A2M: variants seen among roughly 807,000 people sequenced by gnomAD.
The protein encoded by A2M is alpha-2-macroglobulin, also known as C3 and PZP-like alpha-2-macroglobulin domain-containing protein 5.
A neutral mutation model predicts 183.9 loss-of-function variants in A2M; 128 were observed. That is an observed-to-expected ratio of 0.70 (90% CI 0.60 to 0.81). A2M has a LOEUF of 0.81. Ranked by LOEUF, A2M falls within the 30% of genes least tolerant of loss-of-function variation. A2M has a pLI of 0.00. For missense variants in A2M, 1,495 were observed against 1,787.6 expected (o/e 0.84, Z 2.95); for synonymous variants, 592 against 670.8 (o/e 0.88, Z 1.81).
At chr12:9,094,383 A>G (rs1949311430) in intron 17 of A2M, among the ~76,000 whole-genome samples, 1 of 145,566 alleles carries the variant, frequency 6.9e-6, no homozygotes, top group East Asian at 2.0e-4. Flanking sequence ...ATACCTATAC[A>G]TGCATAAATT....
upstream of A2M, chr12:9,116,003 T>C (rs1312153456): frequency 1.4e-6 from 1 of 693,120 alleles, no homozygotes; most frequent in African/African-American, 1.8e-5. Context: ...TAAACAAAGT[T>C]GAGGTCTCTG....
chr12:9,111,866 T>C (rs1938752318), intron 4 of A2M: 2 of 441,074 alleles, frequency 4.5e-6, no homozygotes, highest in Admixed American at 6.3e-5. Context: ...CTTTGAGGAT[T>C]TTTCTGTGTC....
chr12:9,078,373 T>C (rs1948810002), intron 25 of A2M, among the ~76,000 whole-genome samples: 1 of 152,246 alleles, frequency 6.6e-6, no homozygotes, highest in Admixed American at 6.5e-5. Flanking sequence ...CATGATTTCA[T>C]TTCTTTTTAT....
Position 9,077,785 on chromosome 12 carries a change from G to A in A2M, c.3192C>T (p.Thr1064=). ...AYIFIDEAHI[T]QALIWLSQRQ... is the part of the protein sequence containing the mutation. ...TCTGGGAGAGCCATATGAGGGCTTG[G>A]GTAATGTGTGCTTCATCGATGAAGA... Residue 1064 remains threonine (T), a synonymous_variant, in exon 26 of 36, where the codon ACC becomes ACT. Transcript: ENST00000318602. The A allele has an allele frequency of 6.2e-7, 1 of 1,614,140 alleles. No homozygotes were observed. The highest frequency in any genetic ancestry group is 1.7e-5 in the Admixed American group (1 of 60,022).
Position 9,072,861 on chromosome 12 carries a change from A to G in A2M, c.3767T>C (p.Val1256Ala). 6.2e-7 allele frequency: 1 copy of G among 1,613,694 alleles called. No individual in the cohort carries two copies. The highest frequency in any genetic ancestry group is 8.5e-7 in the Non-Finnish European group (1 of 1,179,784). ...ATATTTGGACAGAGCATGGAGAGCC[A>G]CCACTGTGTCCTGTTAGAGACAGAT... ...GGFSSTQDTV[V>A]ALHALSKYGA... The change falls in exon 30 of 36, where the codon GTG becomes GCG. Residue 1256 changes from valine to alanine, a missense_variant. Transcript: ENST00000318602.
intron 12 of A2M, 60 bp downstream of exon 12, chr12:9,101,387 A>T: frequency 1.4e-6 from 2 of 1,432,694 alleles, no homozygotes; most frequent in Non-Finnish European, 9.7e-7. Flanking sequence ...CTTCATGATT[A>T]CTTGCTCCAC....
Position 9,090,001 on chromosome 12 carries a change from G to C in A2M, c.2619C>G (p.Ser873Arg). 1.3e-6 allele frequency: 2 copies of C among 1,596,544 alleles called. No homozygotes were observed. Among genetic ancestry groups the C allele is most frequent in the Non-Finnish European group, 1.7e-6 (2 of 1,166,328 alleles). Reference protein sequence around the residue: ...KSLGNVNFTVSAEALESQELC... With the variant: ...KSLGNVNFTVRAEALESQELC... The stretch of plus-strand genomic sequence containing the variant: ...GCTCTTGAGACTCTAGTGCCTCTGC[G>C]CTCACAGTGAAATTCACATTTCCTG... The change falls in exon 21 of 36, where the codon AGC becomes AGG. Residue 873 changes from serine to arginine, a missense_variant. Coordinates refer to ENST00000318602, the MANE Select transcript of A2M (RefSeq NM_000014.6).
chr12:9,112,073 T>G (rs1938770848), intron 4 of A2M, 86 bp downstream of exon 4: 2 of 1,267,678 alleles, frequency 1.6e-6, no homozygotes, highest in African/African-American at 2.9e-5. Flanking sequence ...AGATTCTTCC[T>G]CTCCCTGGTC....
chr12:9,072,276 G>C, intron 31 of A2M, 83 bp downstream of exon 31: 1 of 1,482,638 alleles, frequency 6.7e-7, no homozygotes, highest in Non-Finnish European at 9.2e-7. Flanking sequence ...ATCTACTGTT[G>C]CACTGCTTTA....
chr12:9,101,826 G>C (rs11615143), intron 11 of A2M, among the ~76,000 whole-genome samples, 152 bp from the exon 12 acceptor site: 24,026 of 152,106 alleles, frequency 0.16, 2,024 homozygotes, highest in Middle Eastern at 0.21. Flanking sequence ...CCCTGATTTT[G>C]TTTCTCTGCT....
At chr12:9,095,742 C>CTTTTTTTTTTTTTTTTTTTT (rs34176052) in intron 15 of A2M, 42 bp from the exon 16 acceptor site, 2 of 276,800 alleles carry the variant, frequency 7.2e-6, no homozygotes, top group Non-Finnish European at 5.5e-6. Context: ...TTATTTGTGA[C>CTTTTTTTTTTTTTTTTTTTT]TTTTTTTTTT....
intron 27 of A2M, 114 bp downstream of exon 27, chr12:9,077,232 G>T: frequency 9.6e-7 from 1 of 1,037,224 alleles, no homozygotes; most frequent in Non-Finnish European, 1.4e-6. Flanking sequence ...CACTGGCATT[G>T]CATAGAAAGA....
chr12:9,104,856 C>T (rs1193868276), intron 10 of A2M, among the ~76,000 whole-genome samples: 1 of 152,078 alleles, frequency 6.6e-6, no homozygotes, highest in Non-Finnish European at 1.5e-5. Flanking sequence ...TTGGAGTGGA[C>T]CATTAACTTC....
In A2M at chr12:9,098,571, G is replaced by A. The variant is rs776382732; in HGVS notation, c.1851+36C>T. On this transcript the variant is annotated intron_variant, in intron 15 of 35. Transcript: ENST00000318602. ...TTTCCTTGCTCTGAGCCCCTGGCAC[G>A]GCCCTTCTTGATTCCTGAGGCTGCC... is the stretch of plus-strand genomic sequence containing the variant. 39 of 1,566,662 alleles carry A rather than the reference G, an allele frequency of 2.5e-5. 1 individual carries two copies. In the South Asian group the frequency reaches 2.9e-4, roughly 12 times the overall value.
rs1948758769 is a variant in A2M at position 9,076,771 on chromosome 12, C to T, written c.3517G>A (p.Glu1173Lys). Residue 1173 changes from glutamate to lysine, a missense_variant, in exon 28 of 36, where the codon GAA becomes AAA. Coordinates refer to ENST00000318602, the MANE Select transcript of A2M (RefSeq NM_000014.6). ...RKEVLKSLNE[E>K]AVKKDNSVHW... ...GTGCTCTCACCTTTCTTCACAGCTT[C>T]CTCATTAAGTGACTTGAGTACTTCC... 1 of 1,613,790 alleles carries T rather than the reference C, an allele frequency of 6.2e-7. No individual in the cohort carries two copies. The highest frequency in any genetic ancestry group is 1.1e-5 in the South Asian group (1 of 91,076).
Position 9,072,460 on chromosome 12 carries a change from T to C in A2M, c.4002A>G (p.Pro1334=), listed in dbSNP as rs1307113765. The change falls in exon 31 of 36, where the codon CCA becomes CCG. Residue 1334 remains proline (P), a synonymous_variant. Coordinates refer to ENST00000318602, the MANE Select transcript of A2M (RefSeq NM_000014.6). ...LQTSLKYNIL[P]EKEEFPFALG... ...AAGCAAAGGGGAACTCTTCCTTTTCTGGGAGAATATTGTATTTCAAGGATG... is the reference window on the plus strand; with the variant it reads ...AAGCAAAGGGGAACTCTTCCTTTTCCGGGAGAATATTGTATTTCAAGGATG... The C allele has an allele frequency of 2.5e-6, 4 of 1,612,668 alleles. No homozygotes were observed. Among genetic ancestry groups the C allele is most frequent in the Admixed American group, 1.7e-5 (1 of 59,620 alleles).
chr12:9,072,801 G>T lies in A2M; in HGVS notation c.3827C>A (p.Ala1276Glu), dbSNP rs1948618469. The change falls in exon 30 of 36, where the codon GCA becomes GAA. Residue 1276 changes from alanine (A) to glutamate (E), a missense_variant. By Grantham distance (107) the Ala-to-Glu change is moderately radical. Transcript: ENST00000318602. ...AATFTRTGKA[A>E]QVTIQSSGTF... The stretch of plus-strand genomic sequence containing the variant: ...CCCTGAAGACTGGATAGTCACCTGT[G>T]CAGCCTTCCCAGTCCTGGTAAATGT... The T allele has an allele frequency of 2.5e-6, 4 of 1,614,218 alleles. No homozygotes were observed. Among genetic ancestry groups the T allele is most frequent in the Non-Finnish European group, 3.4e-6 (4 of 1,180,038 alleles).
chr12:9,072,939 C>G, intron 29 of A2M, 68 bp from the exon 30 acceptor site: 1 of 1,332,690 alleles, frequency 7.5e-7, no homozygotes, highest in Admixed American at 2.1e-5. Flanking sequence ...AGATATTTTT[C>G]AAAGACCCAT....
At chr12:9,094,620 A>G (rs928936520) in intron 17 of A2M, among the ~76,000 whole-genome samples, 8 of 152,054 alleles carry the variant, frequency 5.3e-5, no homozygotes, top group African/African-American at 1.2e-4. Context: ...GAAGTAGCTC[A>G]TGTCATTGAT....
Sources: gnomAD v4.1 joint callset for allele counts (sites outside exome capture counted in the v4.1 genomes callset) on GRCh38, gnomAD v4.1.1 for gene constraint, MANE v1.5 for transcripts, NCBI Gene and HGNC (gene_info 2026-07-23, HGNC 2026-07-21) for gene names.